Variants in PKD2L1 observed in about 807,000 individuals in gnomAD.
The protein encoded by PKD2L1 is polycystin 2 like 1, transient receptor potential cation channel, also known as polycystin-2-like protein 1.
In PKD2L1, 77 loss-of-function variants were observed where a neutral mutation model predicts 93.0. The ratio of observed to expected loss-of-function variants is 0.83; its 90% CI spans 0.69 to 1.00. The LOEUF is 1.00. Among genes scored for constraint, PKD2L1 ranks in the 50% least tolerant of loss-of-function variants. PKD2L1 has a pLI of 0.00. For missense variants in PKD2L1, 977 were observed against 990.9 expected, an observed-to-expected ratio of 0.99 and a Z score of 0.19; for synonymous variants, 390 against 388.0, an observed-to-expected ratio of 1.01 and a Z score of -0.06.
chr10:100,324,706 G>T (rs1393676500), intron 2 of PKD2L1, among the ~76,000 whole-genome samples: 1 of 152,120 alleles, frequency 6.6e-6, no homozygotes, highest in Non-Finnish European at 1.5e-5. Flanking sequence ...ATCCTTATTG[G>T]TAGAACAATT....
Position 100,329,317 on chromosome 10 carries a change from C to T in PKD2L1, c.243G>A (p.Trp81Ter). ...CTGTGTTCTCAGTCAGGGTTGTTCC[C>T]CAAAGTCCTAAGGGGCATGGGAGAG... The part of the protein sequence containing the change: ...LHICQGIRGL[W>*]GTTLTENTAE... Residue 81 changes from tryptophan to a stop codon, truncating the protein, a stop_gained, in exon 2 of 16, where the codon TGG becomes TGA. Coordinates refer to ENST00000318222, the MANE Select transcript of PKD2L1 (RefSeq NM_016112.3). LOFTEE classifies it high-confidence loss of function. 6.2e-7 allele frequency: 1 copy of T among 1,614,176 alleles called. No homozygotes were observed. The highest frequency in any genetic ancestry group is 8.5e-7 in the Non-Finnish European group (1 of 1,180,032).
chr10:100,321,715 G>A (rs1289736016), intron 2 of PKD2L1, among the ~76,000 whole-genome samples: 1 of 6,262 alleles, frequency 1.6e-4, no homozygotes, highest in African/African-American at 5.3e-4. Context: ...AAGAAAGAAA[G>A]AAAGAAAGAA....
chr10:100,329,592 C>T (rs536078970), intron 1 of PKD2L1, among the ~76,000 whole-genome samples: 125 of 152,260 alleles, frequency 8.2e-4, no homozygotes, highest in African/African-American at 2.7e-3. Context: ...TAGTCTAGGG[C>T]ATCATCACAT....
At chr10:100,296,079 G>T in intron 7 of PKD2L1, 43 bp downstream of exon 7, 4 of 1,448,038 alleles carry the variant, frequency 2.8e-6, no homozygotes, top group South Asian at 1.3e-5. Context: ...AAGGGAGAAT[G>T]AGTGCGCCTT....
chr10:100,298,843 C>T, intron 3 of PKD2L1, 28 bp from the exon 4 acceptor site: 1 of 1,594,206 alleles, frequency 6.3e-7, no homozygotes, highest in Non-Finnish European at 8.6e-7. Flanking sequence ...TTGAACCTTA[C>T]CCAGCCTCCT....
At chr10:100,328,524 T>A (rs1849427767) in intron 2 of PKD2L1, among the ~76,000 whole-genome samples, 1 of 152,132 alleles carries the variant, frequency 6.6e-6, no homozygotes, top group South Asian at 2.1e-4. Flanking sequence ...ATGCATCGGA[T>A]ATAGTATAAT....
At chr10:100,290,286 G>T in intron 13 of PKD2L1, 115 bp downstream of exon 13, 2 of 1,263,980 alleles carry the variant, frequency 1.6e-6, no homozygotes, top group Non-Finnish European at 1.1e-6. Context: ...AAAGGGGAGC[G>T]GAGGTTCTCC....
intron 1 of PKD2L1, 74 bp downstream of exon 1, chr10:100,329,794 CA>C: frequency 9.8e-7 from 1 of 1,021,726 alleles, no homozygotes; most frequent in African/African-American, 1.6e-5. Context: ...ATTCCACCCC[CA>C]CCCCCTGCCC....
intron 3 of PKD2L1, among the ~76,000 whole-genome samples, chr10:100,299,192 G>T (rs1247056489): frequency 6.6e-6 from 1 of 152,078 alleles, no homozygotes; most frequent in Non-Finnish European, 1.5e-5. Flanking sequence ...ACTGACCTCA[G>T]GTGATTTGTC....
chr10:100,290,741 G>T (rs986870532), intron 12 of PKD2L1, among the ~76,000 whole-genome samples: 3 of 152,182 alleles, frequency 2.0e-5, no homozygotes, highest in African/African-American at 4.8e-5. Context: ...ATCCTAGAAG[G>T]CTTGATGGAT....
intron 4 of PKD2L1, 31 bp downstream of exon 4, chr10:100,298,531 C>G: frequency 6.2e-7 from 1 of 1,609,352 alleles, no homozygotes; most frequent in Non-Finnish European, 8.5e-7. Flanking sequence ...AGGGGCAAGC[C>G]CTGTGATATT....
chr10:100,298,460 C>T (rs1695723451), intron 4 of PKD2L1, 102 bp downstream of exon 4: 3 of 1,223,696 alleles, frequency 2.5e-6, no homozygotes, highest in Non-Finnish European at 3.5e-6. Flanking sequence ...TTAAAGAGCT[C>T]TGAGGCTCTT....
At chr10:100,308,555 G>A (rs1286710251) in intron 2 of PKD2L1, among the ~76,000 whole-genome samples, 2 of 152,016 alleles carry the variant, frequency 1.3e-5, no homozygotes, top group Non-Finnish European at 2.9e-5. Context: ...GGCTAGTCTC[G>A]AACTCCTGAC....
At chr10:100,313,298 C>T (rs1230281048) in intron 2 of PKD2L1, among the ~76,000 whole-genome samples, 1 of 152,106 alleles carries the variant, frequency 6.6e-6, no homozygotes, top group Non-Finnish European at 1.5e-5. Flanking sequence ...ACCAAGGAAG[C>T]CTGAGAAGAG....
intron 2 of PKD2L1, among the ~76,000 whole-genome samples, chr10:100,325,341 C>T (rs1849353802): frequency 6.6e-6 from 1 of 152,180 alleles, no homozygotes; most frequent in African/African-American, 2.4e-5. Context: ...GCTGAGACAT[C>T]AGCGGGGTGA....
rs1415214863 is a variant in PKD2L1, at chr10:100,297,064, C to T, written c.1101G>A (p.Val367=). The change falls in exon 6 of 16, where the codon GTG becomes GTA. Residue 367 remains valine (V), a synonymous_variant. Transcript: ENST00000318222. ...TGTGGAGCTCCAGGATCTCTTCCAC[C>T]ACATAGTAGAAGATGAAGACGCAGA... ...VIFCVFIFYY[V]VEEILELHIH... 6.2e-7 allele frequency: 1 copy of T among 1,613,920 alleles called. No individual in the cohort carries two copies. Among genetic ancestry groups the T allele is most frequent in the Admixed American group, 1.7e-5 (1 of 60,018 alleles).
intron 2 of PKD2L1, among the ~76,000 whole-genome samples, chr10:100,307,092 C>G (rs1413327354): frequency 6.6e-6 from 1 of 152,034 alleles, no homozygotes; most frequent in African/African-American, 2.4e-5. Flanking sequence ...TCATCATCAC[C>G]CTTCTCCAAA....
intron 2 of PKD2L1, among the ~76,000 whole-genome samples, chr10:100,328,622 T>C (rs1468834098): frequency 6.9e-6 from 1 of 144,570 alleles, no homozygotes; most frequent in Non-Finnish European, 1.5e-5. Flanking sequence ...AGAGACAGAG[T>C]CTTGCTCTGT....
At chr10:100,310,405 T>C (rs1848907144) in intron 2 of PKD2L1, among the ~76,000 whole-genome samples, 1 of 152,118 alleles carries the variant, frequency 6.6e-6, no homozygotes, top group African/African-American at 2.4e-5. Context: ...AAACCTACAT[T>C]AATTAAAATA....
Sources: gnomAD v4.1 joint callset for allele counts (sites outside exome capture counted in the v4.1 genomes callset) on GRCh38, gnomAD v4.1.1 for gene constraint, MANE v1.5 for transcripts, NCBI Gene and HGNC (gene_info 2026-07-23, HGNC 2026-07-21) for gene names.